Variants in TBC1D22A observed in about 807,000 individuals in gnomAD.
TBC1D22A encodes TBC1 domain family member 22A, also known as putative GTPase activator.
In TBC1D22A, 38 loss-of-function variants were observed where a neutral mutation model predicts 60.2. The observed-to-expected ratio is 0.63, with a 90% CI of 0.49 to 0.83. TBC1D22A has a LOEUF of 0.83. Among genes scored for constraint, TBC1D22A ranks in the 40% least tolerant of loss-of-function variants. The pLI is 0.00. For missense variants in TBC1D22A, 628 were observed against 701.0 expected, an observed-to-expected ratio of 0.90 and a Z score of 1.18; for synonymous variants, 302 against 281.7, an observed-to-expected ratio of 1.07 and a Z score of -0.72.
intron 12 of TBC1D22A, among the ~76,000 whole-genome samples, chr22:47,114,025 G>A (rs5766679): frequency 0.72 from 109,197 of 152,104 alleles, 40,059 homozygotes; most frequent in African/African-American, 0.86. Flanking sequence ...ACAGATGCAA[G>A]TGACAAGGTG....
At chr22:46,986,744 C>T (rs916386776) in intron 9 of TBC1D22A, among the ~76,000 whole-genome samples, 10 of 152,124 alleles carry the variant, frequency 6.6e-5, no homozygotes, top group African/African-American at 2.4e-4. Context: ...TTTTTGCAAG[C>T]GGACAGCTTT....
rs2087516637 is a variant in TBC1D22A at position 46,855,370 on chromosome 22, CTGTT to C, written c.638-23281_638-23278del. 3.9e-5 allele frequency among the ~76,000 whole-genome samples: 6 copies of C among 152,296 alleles called. No homozygotes were observed. The South Asian group carries it at 1.2e-3, about 32-fold the overall frequency. On this transcript the variant is annotated intron_variant, in intron 4 of 12. Transcript: ENST00000337137. ...GTTTTGTATTGTTACTTTTTGTGTT[CTGTT>C]TAACAAACCTTCCTCAGCACCTCAT...
intron 11 of TBC1D22A, among the ~76,000 whole-genome samples, chr22:47,082,123 A>C (rs1037642047): frequency 1.1e-4 from 16 of 152,136 alleles, no homozygotes; most frequent in African/African-American, 3.9e-4. Context: ...ACGCCACTGC[A>C]CTCCAGCCTG....
intron 4 of TBC1D22A, among the ~76,000 whole-genome samples, chr22:46,828,244 A>G (rs1249962011): frequency 6.6e-6 from 1 of 152,230 alleles, no homozygotes; most frequent in Non-Finnish European, 1.5e-5. Flanking sequence ...CCACGGATTA[A>G]TAAATATATG....
rs373079484 is a variant in TBC1D22A at position 46,923,579 on chromosome 22, C to A, written c.1015+11391C>A. Among the ~76,000 whole-genome samples the A allele has an allele frequency of 2.0e-5, 3 of 152,398 alleles. No individual in the cohort carries two copies. In the East Asian group the frequency reaches 5.8e-4, roughly 29 times the overall value. On this transcript the variant is annotated intron_variant, in intron 8 of 12. Coordinates refer to ENST00000337137, the MANE Select transcript of TBC1D22A (RefSeq NM_014346.5). The stretch of plus-strand genomic sequence containing the variant: ...CTTGGAGCCTGAGCTGTGGTTCCAG[C>A]CCGTCCTTTGAGCCAGGGTGCGGGG...
At position 47,030,576 on chromosome 22, in the gene TBC1D22A, C is replaced by T. The variant is rs138586583; in HGVS notation, c.1202-6495C>T. 7.4e-3 allele frequency among the ~76,000 whole-genome samples: 1,133 copies of T among 152,316 alleles called. 8 individuals carry two copies. The highest frequency in any genetic ancestry group is 0.014 in the Middle Eastern group (4 of 294). ...CTTCCTGGTGACTTTACAACAATAA[C>T]GTTGCCTTGCCCTGCCACATAAGGG... On this transcript the variant is annotated intron_variant, in intron 10 of 12. Transcript: ENST00000337137.
intron 12 of TBC1D22A, among the ~76,000 whole-genome samples, chr22:47,137,033 C>T (rs1203017751): frequency 6.6e-6 from 1 of 152,072 alleles, no homozygotes; most frequent in African/African-American, 2.4e-5. Context: ...TCGGCGCGGG[C>T]AAAGAAGAAA....
At chr22:47,160,529 C>T (rs374212494) in intron 12 of TBC1D22A, among the ~76,000 whole-genome samples, 4 of 152,200 alleles carry the variant, frequency 2.6e-5, no homozygotes, top group South Asian at 2.1e-4. Flanking sequence ...ACCTGGGCTC[C>T]GGGGCAGTGG....
chr22:46,801,204 T>C (rs950302220), intron 4 of TBC1D22A, among the ~76,000 whole-genome samples: 4 of 152,268 alleles, frequency 2.6e-5, no homozygotes, highest in African/African-American at 9.6e-5. Context: ...AGTTAAACGA[T>C]GACTGCATTT....
chr22:47,020,938 G>A (rs996759651), intron 10 of TBC1D22A, among the ~76,000 whole-genome samples: 4 of 151,856 alleles, frequency 2.6e-5, no homozygotes, highest in Admixed American at 1.3e-4. Flanking sequence ...TCTGAAGTAA[G>A]GGGCTGGCCA....
chr22:46,921,336 A>C (rs550933486), intron 8 of TBC1D22A, among the ~76,000 whole-genome samples: 99 of 152,160 alleles, frequency 6.5e-4, no homozygotes, highest in Non-Finnish European at 1.2e-3. Context: ...GAGAACATGC[A>C]GTATTTGGTT....
chr22:46,814,686 G>T (rs2085517266), intron 4 of TBC1D22A, among the ~76,000 whole-genome samples: 1 of 150,532 alleles, frequency 6.6e-6, no homozygotes, highest in African/African-American at 2.4e-5. Flanking sequence ...TCACTCTGTT[G>T]CCCAGGCTGG....
At chr22:47,106,176 A>G (rs1398576765) in intron 11 of TBC1D22A, among the ~76,000 whole-genome samples, 2 of 152,178 alleles carry the variant, frequency 1.3e-5, no homozygotes, top group African/African-American at 2.4e-5. Context: ...GGCTAAAGGA[A>G]ATGGAGGATA....
intron 10 of TBC1D22A, among the ~76,000 whole-genome samples, chr22:47,026,253 G>A (rs1481356739): frequency 6.6e-6 from 1 of 152,212 alleles, no homozygotes; most frequent in Admixed American, 6.5e-5. Flanking sequence ...CATGTTCGAT[G>A]TTTAAACCCA....
intron 11 of TBC1D22A, among the ~76,000 whole-genome samples, chr22:47,064,021 GC>G (rs10710255): frequency 4.5e-5 from 2 of 44,650 alleles, no homozygotes; most frequent in Admixed American, 3.1e-4. Context: ...TTGGATCAGG[GC>G]CCCCCCTACT....
At chr22:46,986,363 G>T (rs2074722620) in intron 9 of TBC1D22A, among the ~76,000 whole-genome samples, 1 of 150,346 alleles carries the variant, frequency 6.7e-6, no homozygotes, top group Non-Finnish European at 1.5e-5. Flanking sequence ...TTGGTCCTTT[G>T]CATTTTTATA....
chr22:46,984,921 G>A (rs1474080836), intron 9 of TBC1D22A, among the ~76,000 whole-genome samples: 2 of 152,188 alleles, frequency 1.3e-5, no homozygotes, highest in Non-Finnish European at 2.9e-5. Context: ...GAGGCGACAG[G>A]GTAGTTGGGG....
intron 4 of TBC1D22A, among the ~76,000 whole-genome samples, chr22:46,847,279 G>A (rs2087044765): frequency 6.6e-6 from 1 of 152,220 alleles, no homozygotes; most frequent in African/African-American, 2.4e-5. Context: ...GGAGGCAGGA[G>A]GCCTGGCCTC....
At chr22:46,814,122 A>G (rs1288807193) in intron 4 of TBC1D22A, among the ~76,000 whole-genome samples, 6 of 152,226 alleles carry the variant, frequency 3.9e-5, no homozygotes, top group African/African-American at 1.4e-4. Context: ...ATTTACTTAC[A>G]TTCATCTTTG....
Sources: allele counts gnomAD v4.1 joint callset (sites outside exome capture counted in the v4.1 genomes callset), GRCh38; gene constraint gnomAD v4.1.1; transcripts MANE v1.5; gene names NCBI Gene and HGNC (gene_info 2026-07-23, HGNC 2026-07-21).